Variants in PTPN2 observed in about 807,000 individuals in gnomAD.
The protein encoded by PTPN2 is tyrosine-protein phosphatase non-receptor type 2.
PTPN2 carries 19 observed loss-of-function variants against 57.3 expected under a neutral mutation model. That is an observed-to-expected ratio of 0.33 (90% CI 0.23 to 0.49). The LOEUF (loss-of-function observed/expected upper bound fraction) is 0.49, where lower values mean the gene tolerates loss of function less well. PTPN2 is among the 20% of genes least tolerant of loss of function. The pLI is 0.99. For missense variants in PTPN2, 358 were observed against 501.1 expected, an observed-to-expected ratio of 0.71 and a Z score of 2.73; for synonymous variants, 153 against 164.9, an observed-to-expected ratio of 0.93 and a Z score of 0.55.
At chr18:12,836,932 A>G (rs780784926) in intron 2 of PTPN2, 41 bp from the exon 3 acceptor site, 1 of 1,257,910 alleles carries the variant, frequency 7.9e-7, no homozygotes, top group South Asian at 1.2e-5. Flanking sequence ...TCATTTCAAA[A>G]TTACTGTTTT....
intron 5 of PTPN2, among the ~76,000 whole-genome samples, chr18:12,820,214 T>C (rs1165237272): frequency 6.6e-6 from 1 of 152,204 alleles, no homozygotes; most frequent in Non-Finnish European, 1.5e-5. Context: ...ATTTGTATAA[T>C]ATAGTCTTCC....
chr18:12,861,049 A>G (rs2043791481), intron 1 of PTPN2, among the ~76,000 whole-genome samples: 1 of 152,150 alleles, frequency 6.6e-6, no homozygotes, highest in African/African-American at 2.4e-5. Context: ...CTTTTTGCCC[A>G]GGCTGTTCTC....
chr18:12,829,196 C>A (rs1217230105), intron 4 of PTPN2, among the ~76,000 whole-genome samples: 2 of 152,086 alleles, frequency 1.3e-5, no homozygotes, highest in Admixed American at 6.5e-5. Flanking sequence ...CTGCACCCAG[C>A]CAAGGAAACT....
rs1350213827 is a variant in PTPN2, at chr18:12,793,381, A to G, written c.*897T>C. ...TTCTTACTTTTGCTTCCTAAATCAT[A>G]ATCTACCCCAACTACATTGAAATTT... is the stretch of plus-strand genomic sequence containing the variant. On this transcript the variant is annotated 3_prime_UTR_variant, in exon 9 of 9. Coordinates refer to ENST00000309660, the MANE Select transcript of PTPN2 (RefSeq NM_002828.4). The G allele has an allele frequency of 1.0e-6, 1 of 978,426 alleles. No homozygotes were observed. The highest frequency in any genetic ancestry group is 6.2e-5 in the Admixed American group (1 of 16,248). 60.6% of individuals were successfully genotyped at this position (978,426 alleles called of 1,614,324 possible). A position where few individuals can be genotyped will look rare whatever the true frequency, so the allele number is the denominator to read the frequency against.
In PTPN2 at chr18:12,794,353, C is replaced by T. The variant is rs756721792; in HGVS notation, c.1173G>A (p.Lys391=). 1.2e-5 allele frequency: 19 copies of T among 1,614,104 alleles called. No homozygotes were observed. The highest frequency in any genetic ancestry group is 1.6e-5 in the Non-Finnish European group (19 of 1,180,032). ...CCAAAATGACTGACATAAACCCCAT[C>T]TTAGTGAGAATAGGTTGCCAATATA... ...RWLYWQPILT[K]MGFMSVILVG... Residue 391 remains lysine (K), a synonymous_variant, in exon 9 of 9, where the codon AAG becomes AAA. Coordinates refer to ENST00000309660, the MANE Select transcript of PTPN2 (RefSeq NM_002828.4).
chr18:12,849,938 C>T (rs2043338335), intron 2 of PTPN2, among the ~76,000 whole-genome samples: 1 of 151,950 alleles, frequency 6.6e-6, no homozygotes, highest in Non-Finnish European at 1.5e-5. Context: ...CTTTGTATAC[C>T]TGTATTTATG....
intron 1 of PTPN2, among the ~76,000 whole-genome samples, chr18:12,859,465 C>T (rs1361671467): frequency 6.6e-6 from 1 of 152,156 alleles, no homozygotes; most frequent in Non-Finnish European, 1.5e-5. Context: ...GAAAGGCTTT[C>T]AAAGGTTAAA....
rs765545034 is a variant in PTPN2 at position 12,836,803 on chromosome 18, G to A, written c.249C>T (p.Tyr83=). 1.3e-6 allele frequency: 2 copies of A among 1,599,478 alleles called. No homozygotes were observed. Among genetic ancestry groups the A allele is most frequent in the East Asian group, 2.2e-5 (1 of 44,694 alleles). ...LVDIEEAQRS[Y]ILTQGPLPNT... ...TCGTATTACTTGCCTGTGTTAAGAT[G>A]TAACTCCTTTGTGCCTCTTCTATGT... Residue 83 remains tyrosine, a synonymous_variant, in exon 3 of 9, where the codon TAC becomes TAT. Coordinates refer to ENST00000309660, the MANE Select transcript of PTPN2 (RefSeq NM_002828.4).
chr18:12,802,079 C>T lies in PTPN2; in HGVS notation c.931G>A (p.Glu311Lys), dbSNP rs769480553. ...CCTATTCTGTTCCCATTGTATTTTT[C>T]AGTCATTATTTTGTTTGGTGAATGA... ...FDHSPNKIMT[E>K]KYNGNRIGLE... The change falls in exon 8 of 9, where the codon GAA becomes AAA. Residue 311 changes from glutamate (E) to lysine (K), a missense_variant. This residue lies in a region of PTPN2 where 7 missense variants were observed against 26.9 expected (regional missense o/e 0.26). Coordinates refer to ENST00000309660, the MANE Select transcript of PTPN2 (RefSeq NM_002828.4). 3.5e-5 allele frequency: 56 copies of T among 1,612,424 alleles called. No homozygotes were observed. Among genetic ancestry groups the T allele is most frequent in the Non-Finnish European group, 4.7e-5 (56 of 1,179,196 alleles).
rs371513673 is a variant in PTPN2 at position 12,806,484 on chromosome 18, CAA to C, written c.859-4335_859-4334del. Reference sequence around the variant, plus strand: ...ATTTGTATGAAATCATAAAAGACCCCAAAAGCCAAAGCAATTTTGAGCAAAAA... The same window carrying C: ...ATTTGTATGAAATCATAAAAGACCCCAAGCCAAAGCAATTTTGAGCAAAAA... On this transcript the variant is annotated intron_variant, in intron 7 of 8. Coordinates refer to ENST00000309660, the MANE Select transcript of PTPN2 (RefSeq NM_002828.4). Among the ~76,000 whole-genome samples the C allele has an allele frequency of 4.0e-3, 610 of 152,150 alleles. 3 individuals carry two copies. Among genetic ancestry groups the C allele is most frequent in the African/African-American group, 0.014 (596 of 41,528 alleles).
At chr18:12,815,343 C>T (rs1429588606) in intron 6 of PTPN2, among the ~76,000 whole-genome samples, 7 of 151,778 alleles carry the variant, frequency 4.6e-5, no homozygotes, top group Admixed American at 3.3e-4. Context: ...ACCCGGGAGG[C>T]GGAGGTTGCA....
At chr18:12,798,718 G>A (rs893637003) in intron 8 of PTPN2, among the ~76,000 whole-genome samples, 2 of 152,044 alleles carry the variant, frequency 1.3e-5, no homozygotes, top group African/African-American at 2.4e-5. Flanking sequence ...ATCAACATAC[G>A]CGTGTGTTTA....
chr18:12,867,995 T>C (rs2044049649), intron 1 of PTPN2, among the ~76,000 whole-genome samples: 1 of 152,216 alleles, frequency 6.6e-6, no homozygotes, highest in Non-Finnish European at 1.5e-5. Flanking sequence ...AGAAAGTGAA[T>C]ACACACATCA....
chr18:12,821,802 G>A (rs1196718751), intron 5 of PTPN2, among the ~76,000 whole-genome samples: 1 of 152,182 alleles, frequency 6.6e-6, no homozygotes, highest in Non-Finnish European at 1.5e-5. Context: ...ATGGTCTTGT[G>A]CACTGGACAC....
chr18:12,842,333 A>G (rs1339847792), intron 2 of PTPN2, among the ~76,000 whole-genome samples: 5 of 152,260 alleles, frequency 3.3e-5, no homozygotes, highest in African/African-American at 1.2e-4. Context: ...CCCATGAGAC[A>G]CCATGCAAAC....
At chr18:12,882,580 G>GT (rs2044698800) in intron 1 of PTPN2, among the ~76,000 whole-genome samples, 2 of 152,202 alleles carry the variant, frequency 1.3e-5, no homozygotes, top group South Asian at 4.1e-4. Context: ...TAAAACAAAT[G>GT]TAACTGGAGA....
At chr18:12,837,986 C>CT (rs929038499) in intron 2 of PTPN2, among the ~76,000 whole-genome samples, 42 of 152,018 alleles carry the variant, frequency 2.8e-4, no homozygotes, top group African/African-American at 5.8e-4. Flanking sequence ...TCAACAAGCA[C>CT]TTTTTTTTAA....
Position 12,825,869 on chromosome 18 carries a change from A to G in PTPN2, c.436T>C (p.Leu146=). 3 of 1,611,080 alleles carry G rather than the reference A, an allele frequency of 1.9e-6. No individual in the cohort carries two copies. The highest frequency in any genetic ancestry group is 2.5e-6 in the Non-Finnish European group (3 of 1,178,300). The part of the protein sequence containing the change: ...FKETGFSVKL[L]SEDVKSYYTV... ...TAATACGACTTCACATCTTCTGACA[A>G]GAGCTTCACACTGAATCCTGTTTCT... The change falls in exon 5 of 9, where the codon TTG becomes CTG. Residue 146 remains leucine, a synonymous_variant. Transcript: ENST00000309660.
intron 2 of PTPN2, among the ~76,000 whole-genome samples, chr18:12,844,938 C>T (rs2043165368): frequency 6.6e-6 from 1 of 152,096 alleles, no homozygotes; most frequent in Non-Finnish European, 1.5e-5. Context: ...TTTTAAATTG[C>T]TTTGCACCTT....
Sources: allele counts gnomAD v4.1 joint callset (sites outside exome capture counted in the v4.1 genomes callset), GRCh38; gene constraint gnomAD v4.1.1; regional missense constraint gnomAD v4.1.1; transcripts MANE v1.5; gene names NCBI Gene and HGNC (gene_info 2026-07-23, HGNC 2026-07-21).